The following GRIA3 variants were observed in gnomAD, a reference collection of about 807,000 sequenced individuals.
GRIA3 encodes the protein glutamate receptor 3.
Under a neutral mutation model 63.0 loss-of-function variants are expected in GRIA3, and 3 were observed. That is an observed-to-expected ratio of 0.05 (90% CI 0.02 to 0.12). The LOEUF is 0.12. Ranked by LOEUF, GRIA3 falls within the 10% of genes least tolerant of loss-of-function variation. The pLI is 1.00. For synonymous variants in GRIA3, 274 were observed against 257.9 expected, an observed-to-expected ratio of 1.06 and a Z score of -0.60; for missense variants, 347 against 700.9, an observed-to-expected ratio of 0.50 and a Z score of 5.70.
intron 3 of GRIA3, among the ~76,000 whole-genome samples, chrX:123,259,430 C>T (rs1308767443): frequency 9.1e-6 from 1 of 110,188 alleles, no homozygotes; most frequent in East Asian, 2.9e-4. Flanking sequence ...TATCTTCCTT[C>T]TCTTTCTTCG....
chrX:123,184,290 G>C lies in GRIA3; in HGVS notation c.-246G>C. ...AGAGAGAGGGAGCAAGAAAGGAAGA[G>C]AGAGCGAGCGAGAGAGAGCGAGCGA... is the stretch of plus-strand genomic sequence containing the variant. On this transcript the variant is annotated 5_prime_UTR_variant, in exon 1 of 16. Transcript: ENST00000620443. 1.0e-5 allele frequency: 4 copies of C among 396,174 alleles called. No homozygotes were observed. Among genetic ancestry groups the C allele is most frequent in the Non-Finnish European group, 1.3e-5 (3 of 225,898 alleles). The allele number at this position is 396,174 out of a possible 1,213,427, so 32.6% of individuals were successfully genotyped here.
chrX:123,226,891 C>T (rs1395041543), intron 2 of GRIA3, among the ~76,000 whole-genome samples: 1 of 108,005 alleles, frequency 9.3e-6, no homozygotes, highest in Non-Finnish European at 1.9e-5. Context: ...TTATCTGCAA[C>T]TTCTAGCTTC....
chrX:123,197,279 A>C, intron 2 of GRIA3, among the ~76,000 whole-genome samples: 2 of 112,173 alleles, frequency 1.8e-5, no homozygotes, highest in Middle Eastern at 4.6e-3. Context: ...TAATCCCAGC[A>C]CTTTGGGAGA....
At chrX:123,415,660 A>G (rs2045532890) in intron 10 of GRIA3, among the ~76,000 whole-genome samples, 1 of 111,736 alleles carries the variant, frequency 8.9e-6, no homozygotes, top group African/African-American at 3.3e-5. Context: ...AATTTTAGAA[A>G]TGATGAGTTT....
At chrX:123,281,476 A>C (rs750925484) in intron 3 of GRIA3, among the ~76,000 whole-genome samples, 2 of 112,252 alleles carry the variant, frequency 1.8e-5, no homozygotes, top group African/African-American at 6.5e-5. Context: ...GTCTTTTAAG[A>C]AATAAAAAGA....
intron 4 of GRIA3, among the ~76,000 whole-genome samples, chrX:123,351,872 T>A (rs1033073391): frequency 8.9e-6 from 1 of 111,891 alleles, no homozygotes; most frequent in Non-Finnish European, 1.9e-5. Flanking sequence ...AAGCTTCCTA[T>A]CCCAGTTTAA....
At position 123,438,918 on chromosome X, in the gene GRIA3, T is replaced by C. The variant is rs1446326009; in HGVS notation, c.2076+10779T>C. Among the ~76,000 whole-genome samples, 3 of 112,681 alleles carry C rather than the reference T, an allele frequency of 2.7e-5. No individual in the cohort carries two copies. The East Asian group carries it at 8.3e-4, about 31-fold the overall frequency. On this transcript the variant is annotated intron_variant, in intron 12 of 15. Transcript: ENST00000620443. The stretch of plus-strand genomic sequence containing the variant: ...TCAGTCTTGAGGCAATAGATGTTTC[T>C]GCTTCAGTAGGAAGAGGGATGCTGG...
Position 123,466,643 on chromosome X carries a change from G to A in GRIA3, c.2324+1531G>A, listed in dbSNP as rs148956075. Among the ~76,000 whole-genome samples, 16 of 112,158 alleles carry A rather than the reference G, an allele frequency of 1.4e-4. No individual in the cohort carries two copies. The East Asian group carries it at 2.2e-3, about 16-fold the overall frequency. On this transcript the variant is annotated intron_variant, in intron 13 of 15. Coordinates refer to ENST00000620443, the MANE Select transcript of GRIA3 (RefSeq NM_007325.5). ...AGAAATAGGGGCAAGCTCAGAAGCC[G>A]CGATACAAAGTCATGGAAACACACT...
intron 2 of GRIA3, among the ~76,000 whole-genome samples, chrX:123,214,951 G>A (rs1928123944): frequency 8.9e-6 from 1 of 111,863 alleles, no homozygotes; most frequent in Admixed American, 9.5e-5. Flanking sequence ...TAGGTACACT[G>A]CTCTAAGGTA....
chrX:123,252,984 T>G (rs2044399390), intron 2 of GRIA3, among the ~76,000 whole-genome samples: 1 of 111,815 alleles, frequency 8.9e-6, no homozygotes, highest in Admixed American at 9.4e-5. Flanking sequence ...CCTGGGCAGC[T>G]AAAGTGGAAG....
At chrX:123,204,757 CT>C (rs1375004991) in intron 2 of GRIA3, 2 of 563,704 alleles carry the variant, frequency 3.5e-6, no homozygotes, top group East Asian at 1.3e-4. Context: ...AAAGAATTAA[CT>C]TTTCTTAATG....
At chrX:123,305,405 T>C (rs757261986) in intron 3 of GRIA3, among the ~76,000 whole-genome samples, 1 of 112,180 alleles carries the variant, frequency 8.9e-6, no homozygotes, top group African/African-American at 3.2e-5. Context: ...GCATAAGCAC[T>C]ATATTATCTG....
intron 12 of GRIA3, among the ~76,000 whole-genome samples, chrX:123,436,228 G>C (rs1180642997): frequency 9.0e-6 from 1 of 111,679 alleles, no homozygotes; most frequent in Non-Finnish European, 1.9e-5. Context: ...CAGTTCTGTA[G>C]AGATGTGAGG....
At position 123,377,075 on chromosome X, in the gene GRIA3, T is replaced by C. The variant is rs910007727; in HGVS notation, c.751-17893T>C. 2.6e-3 allele frequency among the ~76,000 whole-genome samples: 285 copies of C among 109,068 alleles called. 1 individual carries two copies. Among genetic ancestry groups the C allele is most frequent in the Non-Finnish European group, 3.4e-3 (176 of 52,326 alleles). 94.7% of individuals were successfully genotyped at this position (109,068 alleles called of 115,157 possible). ...TCAGCCTCCCGAGCAGCTGGGACTA[T>C]AGGCGCCCGCCACCATGCCCGGCTA... On this transcript the variant is annotated intron_variant, in intron 5 of 15. Transcript: ENST00000620443.
At chrX:123,330,898 T>A (rs2044936825) in intron 4 of GRIA3, among the ~76,000 whole-genome samples, 1 of 112,281 alleles carries the variant, frequency 8.9e-6, no homozygotes, top group South Asian at 3.7e-4. Flanking sequence ...ATACAAATAT[T>A]CCAAATTAAT....
chrX:123,223,735 A>G (rs2044230589), intron 2 of GRIA3, among the ~76,000 whole-genome samples: 1 of 111,695 alleles, frequency 9.0e-6, no homozygotes. Flanking sequence ...GGTGGAAGGG[A>G]GCACAGGGCA....
intron 3 of GRIA3, among the ~76,000 whole-genome samples, chrX:123,292,941 T>C (rs1337603977): frequency 9.0e-6 from 1 of 111,195 alleles, no homozygotes; most frequent in East Asian, 2.8e-4. Context: ...ACTCCATTTC[T>C]AGGGAAGGAT....
intron 2 of GRIA3, among the ~76,000 whole-genome samples, chrX:123,208,994 T>C (rs1375173351): frequency 8.9e-6 from 1 of 112,108 alleles, no homozygotes; most frequent in African/African-American, 3.2e-5. Flanking sequence ...GCAGATCCTA[T>C]CATGAGAGCA....
At chrX:123,408,496 A>G (rs138526133) in intron 10 of GRIA3, among the ~76,000 whole-genome samples, 1 of 112,266 alleles carries the variant, frequency 8.9e-6, no homozygotes, top group African/African-American at 3.2e-5. Context: ...CTCCTCCAGC[A>G]TGTTCCCTGT....
Sources: gnomAD v4.1 joint callset for allele counts (sites outside exome capture counted in the v4.1 genomes callset) on GRCh38, gnomAD v4.1.1 for gene constraint, MANE v1.5 for transcripts, NCBI Gene and HGNC (gene_info 2026-07-23, HGNC 2026-07-21) for gene names.